The following TIAM2 variants were observed in gnomAD, a reference collection of about 807,000 sequenced individuals.
The protein encoded by TIAM2 is rho guanine nucleotide exchange factor TIAM2.
Under a neutral mutation model 152.9 loss-of-function variants are expected in TIAM2, and 80 were observed. The ratio of observed to expected loss-of-function variants is 0.52; its 90% CI spans 0.44 to 0.63. The LOEUF (loss-of-function observed/expected upper bound fraction) is 0.63, where lower values mean the gene tolerates loss of function less well. Among genes scored for constraint, TIAM2 ranks in the 30% least tolerant of loss-of-function variants. The probability of loss-of-function intolerance (pLI) is 0.00; values close to 1 mark genes in which losing one functional copy is unlikely to be tolerated. For synonymous variants in TIAM2, 804 were observed against 838.0 expected, an observed-to-expected ratio of 0.96 and a Z score of 0.70; for missense variants, 1,965 against 2,120.1, an observed-to-expected ratio of 0.93 and a Z score of 1.44.
chr6:155,093,140 T>C (rs1021394982), intron 2 of TIAM2, among the ~76,000 whole-genome samples: 1 of 152,252 alleles, frequency 6.6e-6, no homozygotes, highest in Non-Finnish European at 1.5e-5. Flanking sequence ...TGTGCTTGTT[T>C]TGTGGCCTTC....
At position 155,063,170 on chromosome 6, in the gene TIAM2, A is replaced by T. The variant is rs552862340; in HGVS notation, c.-208-27119A>T. 3.3e-5 allele frequency among the ~76,000 whole-genome samples: 5 copies of T among 152,288 alleles called. No individual in the cohort carries two copies. The East Asian group carries it at 9.6e-4, about 29-fold the overall frequency. ...GGTTCAGATTTAGTGGCAAGGCAAC[A>T]TGATTTCACAAACAGGGTAGTGAGT... On this transcript the variant is annotated intron_variant, in intron 1 of 26. Coordinates refer to ENST00000682666, the MANE Select transcript of TIAM2 (RefSeq NM_012454.4).
chr6:155,234,381 G>T (rs1692107999), intron 15 of TIAM2, among the ~76,000 whole-genome samples: 1 of 152,166 alleles, frequency 6.6e-6, no homozygotes, highest in African/African-American at 2.4e-5. Context: ...TTGAACTCCT[G>T]CCTCAGCATC....
At chr6:155,236,983 C>T (rs1782795532) in intron 15 of TIAM2, among the ~76,000 whole-genome samples, 1 of 152,168 alleles carries the variant, frequency 6.6e-6, no homozygotes, top group Admixed American at 6.5e-5. Context: ...TCCCAACAGT[C>T]CCCCAAAGTC....
At chr6:155,013,016 C>T (rs987034937) in intron 1 of TIAM2, among the ~76,000 whole-genome samples, 1 of 152,046 alleles carries the variant, frequency 6.6e-6, no homozygotes, top group East Asian at 1.9e-4. Context: ...CCAGTTTCTC[C>T]CATCTCGTAA....
intron 14 of TIAM2, among the ~76,000 whole-genome samples, chr6:155,207,902 T>A (rs1471092058): frequency 6.6e-6 from 1 of 152,162 alleles, no homozygotes; most frequent in East Asian, 1.9e-4. Flanking sequence ...AGTTCCAAAA[T>A]CTTTGAAGAG....
intron 9 of TIAM2, among the ~76,000 whole-genome samples, chr6:155,165,908 G>C (rs948375006): frequency 4.2e-4 from 64 of 152,124 alleles, no homozygotes; most frequent in African/African-American, 1.5e-3. Context: ...TGAAGAGGTA[G>C]TCACACTGCG....
intron 1 of TIAM2, among the ~76,000 whole-genome samples, chr6:155,035,789 A>G (rs1776911514): frequency 1.3e-5 from 2 of 152,234 alleles, no homozygotes; most frequent in South Asian, 4.1e-4. Flanking sequence ...ATTACTCGGT[A>G]GATGGTAATT....
intron 2 of TIAM2, among the ~76,000 whole-genome samples, chr6:155,095,558 T>C (rs1169812666): frequency 6.6e-6 from 1 of 152,196 alleles, no homozygotes; most frequent in Non-Finnish European, 1.5e-5. Context: ...TGATGGAATG[T>C]GCCCCCTAAC....
intron 4 of TIAM2, among the ~76,000 whole-genome samples, chr6:155,134,163 A>G (rs1564919): frequency 0.73 from 108,984 of 149,046 alleles, 39,838 homozygotes; most frequent in Admixed American, 0.8. Context: ...GTGTGTGTGT[A>G]TATATATATA....
intron 1 of TIAM2, among the ~76,000 whole-genome samples, chr6:155,060,808 T>C (rs1159110211): frequency 6.6e-6 from 1 of 152,162 alleles, no homozygotes; most frequent in Non-Finnish European, 1.5e-5. Context: ...GGCAGGAGAA[T>C]CACTTGATCC....
chr6:155,223,424 A>G (rs1782121040), intron 15 of TIAM2, among the ~76,000 whole-genome samples: 1 of 152,078 alleles, frequency 6.6e-6, no homozygotes, highest in Non-Finnish European at 1.5e-5. Context: ...ATGTTGAGGA[A>G]CGTTAAATAA....
intron 1 of TIAM2, among the ~76,000 whole-genome samples, chr6:155,073,283 C>G (rs1321993811): frequency 6.6e-6 from 1 of 151,754 alleles, no homozygotes; most frequent in Non-Finnish European, 1.5e-5. Flanking sequence ...GTGCCTCAGC[C>G]TCCCAAGTAG....
At chr6:155,134,539 G>A (rs764764303) in intron 4 of TIAM2, among the ~76,000 whole-genome samples, 6 of 152,100 alleles carry the variant, frequency 3.9e-5, no homozygotes, top group Non-Finnish European at 7.3e-5. Context: ...TTCTGTGGCA[G>A]AATTGGGCTT....
At chr6:155,111,647 ACCT>A (rs909460557) in intron 2 of TIAM2, among the ~76,000 whole-genome samples, 6 of 152,028 alleles carry the variant, frequency 3.9e-5, no homozygotes, top group African/African-American at 1.2e-4. Context: ...CTCTAGAGCC[ACCT>A]CCTCTTGTGC....
At chr6:155,119,961 C>T (rs1184383440) in intron 2 of TIAM2, among the ~76,000 whole-genome samples, 1 of 152,204 alleles carries the variant, frequency 6.6e-6, no homozygotes, top group Non-Finnish European at 1.5e-5. Flanking sequence ...ATACTGGTAT[C>T]AATTCATCGA....
chr6:155,231,580 C>A (rs1387587142), intron 15 of TIAM2, among the ~76,000 whole-genome samples: 1 of 152,214 alleles, frequency 6.6e-6, no homozygotes, highest in East Asian at 1.9e-4. Context: ...CATGCCGGTC[C>A]AGGAGAAACT....
At chr6:155,069,920 TTTTTTTTTTTGAGACAAGGTC>T (rs1777798355) in intron 1 of TIAM2, among the ~76,000 whole-genome samples, 1 of 150,536 alleles carries the variant, frequency 6.6e-6, no homozygotes, top group Non-Finnish European at 1.5e-5. Flanking sequence ...TCTTTTTTTT[TTTTTTTTTTTGAGACAAGGTC>T]TTTTTGTGTG....
chr6:155,077,137 TA>T (rs1255306381), intron 1 of TIAM2, among the ~76,000 whole-genome samples: 1 of 152,186 alleles, frequency 6.6e-6, no homozygotes, highest in East Asian at 1.9e-4. Flanking sequence ...AGCTGTTCTA[TA>T]AACTCCTAAA....
In TIAM2 at chr6:155,245,694, T is replaced by A; in HGVS notation, c.3615T>A (p.Cys1205Ter). The A allele has an allele frequency of 6.2e-7, 1 of 1,613,116 alleles. No homozygotes were observed. The highest frequency in any genetic ancestry group is 8.5e-7 in the Non-Finnish European group (1 of 1,179,512). ...ADHFKLYSGF[C>*]ANHIKVQKVL... The stretch of plus-strand genomic sequence containing the variant: ...ACTTTAAACTGTACAGTGGATTCTG[T>A]GCTAACCATATCAAAGTACAGAAGG... The change falls in exon 19 of 27, where the codon TGT becomes TGA. Residue 1205 changes from cysteine (C) to a stop codon, truncating the protein, a stop_gained. Transcript: ENST00000682666. LOFTEE classifies it high-confidence loss of function.
Sources: gnomAD v4.1 joint callset for allele counts (sites outside exome capture counted in the v4.1 genomes callset) on GRCh38, gnomAD v4.1.1 for gene constraint, MANE v1.5 for transcripts, NCBI Gene and HGNC (gene_info 2026-07-23, HGNC 2026-07-21) for gene names.